The following NFKBIZ variants were observed in gnomAD, a reference collection of about 807,000 sequenced individuals.
The protein encoded by NFKBIZ is NF-kappa-B inhibitor zeta.
Under a neutral mutation model 76.8 loss-of-function variants are expected in NFKBIZ, and 19 were observed. That is an observed-to-expected ratio of 0.25 (90% CI 0.17 to 0.36). The LOEUF (loss-of-function observed/expected upper bound fraction) is 0.36, where lower values mean the gene tolerates loss of function less well. Ranked by LOEUF, NFKBIZ falls within the 10% of genes least tolerant of loss-of-function variation. The pLI is 1.00. For synonymous variants in NFKBIZ, 368 were observed against 354.8 expected (o/e 1.04, Z -0.42); for missense variants, 829 against 910.9 (o/e 0.91, Z 1.16).
In NFKBIZ at chr3:101,853,252, C is replaced by T. The variant is rs754544527; in HGVS notation, c.726C>T (p.Pro242=). The part of the protein sequence containing the change: ...LNTVQVSWLN[P]VVVPQSSPAE... ...CAGTTCAAGTTAGCTGGCTGAACCC[C>T]GTGGTGGTCCCTCAGAGCTCCCCCG... The change falls in exon 5 of 12, where the codon CCC becomes CCT. Residue 242 remains proline (P), a synonymous_variant. Transcript: ENST00000326172. The T allele has an allele frequency of 1.2e-5, 19 of 1,614,048 alleles. No individual in the cohort carries two copies. The highest frequency in any genetic ancestry group is 3.3e-4 in the Middle Eastern group (2 of 6,084).
chr3:101,849,547 C>T lies in NFKBIZ; in HGVS notation c.-82C>T, dbSNP rs1942912897. ...CCGCGCCGTCCGCCCGCCGACAGCT[C>T]CCTGAGCCAGCCCGGGAGGCAGCCG... On this transcript the variant is annotated 5_prime_UTR_variant, in exon 1 of 12. Coordinates refer to ENST00000326172, the MANE Select transcript of NFKBIZ (RefSeq NM_031419.4). The T allele has an allele frequency of 3.3e-6, 4 of 1,229,188 alleles. No homozygotes were observed. Among genetic ancestry groups the T allele is most frequent in the Non-Finnish European group, 4.1e-6 (4 of 968,878 alleles). 76.1% of individuals were successfully genotyped at this position (1,229,188 alleles called of 1,614,324 possible).
At chr3:101,851,922 G>A (rs1189371467) in intron 1 of NFKBIZ, among the ~76,000 whole-genome samples, 163 bp from the exon 2 acceptor site, 1 of 152,206 alleles carries the variant, frequency 6.6e-6, no homozygotes, top group Non-Finnish European at 1.5e-5. Flanking sequence ...AGCAGAGCTC[G>A]GGACTCACAA....
At chr3:101,853,949 A>T in intron 5 of NFKBIZ, 86 bp downstream of exon 5, 18 of 1,292,086 alleles carry the variant, frequency 1.4e-5, no homozygotes, top group East Asian at 2.3e-5. Context: ...GGGTATAACA[A>T]GGTATACCTT....
Position 101,853,367 on chromosome 3 carries a change from A to G in NFKBIZ, c.841A>G (p.Ile281Val). The change falls in exon 5 of 12, where the codon ATA becomes GTA. Residue 281 changes from isoleucine (I) to valine (V), a missense_variant. By Grantham distance (29) the Ile-to-Val change is conservative (BLOSUM62 3). Around this residue, in one of 4 missense-constraint regions of NFKBIZ, gnomAD observed 371 missense variants for 332.3 expected, o/e 1.12. Transcript: ENST00000326172. ...CCAAGTCAGGGGCTCCCAACAAATG[A>G]TAGACCAGGCTTCCCTGTACCAGTA... ...PFQVRGSQQM[I>V]DQASLYQYSP... is the part of the protein sequence containing the mutation. The G allele has an allele frequency of 6.2e-7, 1 of 1,614,136 alleles. No homozygotes were observed. Among genetic ancestry groups the G allele is most frequent in the East Asian group, 2.2e-5 (1 of 44,886 alleles).
upstream of NFKBIZ, among the ~76,000 whole-genome samples, chr3:101,846,438 A>T (rs1942853454): frequency 6.6e-6 from 1 of 152,198 alleles, no homozygotes; most frequent in South Asian, 2.1e-4. Flanking sequence ...GCTTCTGGGC[A>T]TTGGGGGTTG....
rs148757031 is a variant in NFKBIZ at position 101,856,153 on chromosome 3, C to T, written c.1824+251C>T. On this transcript the variant is annotated intron_variant, in intron 9 of 11. Transcript: ENST00000326172. ...GCAACCTCCGACTCCCTGGTTCAAG[C>T]GATTCTCCTGCCTCAGCCTGCCCAG... 7.8e-3 allele frequency: 1,816 copies of T among 231,594 alleles called. 6 individuals carry two copies. Among genetic ancestry groups the T allele is most frequent in the Non-Finnish European group, 0.012 (1,387 of 117,090 alleles). 14.3% of individuals were successfully genotyped at this position (231,594 alleles called of 1,614,324 possible). A position where few individuals can be genotyped will look rare whatever the true frequency, so the allele number is the denominator to read the frequency against.
At chr3:101,840,412 TTATTAC>T (rs1942772756) in intron 2 of NFKBIZ, among the ~76,000 whole-genome samples, 1 of 152,194 alleles carries the variant, frequency 6.6e-6, no homozygotes, top group Non-Finnish European at 1.5e-5. Flanking sequence ...TGAGTTTTGA[TTATTAC>T]TATTAGAAAG....
intron 1 of NFKBIZ, chr3:101,850,343 G>A (rs1427538656): frequency 1.2e-5 from 2 of 160,018 alleles, no homozygotes; most frequent in Admixed American, 1.3e-4. Flanking sequence ...TAGCGTTAAA[G>A]GTCATGACTT....
At chr3:101,856,788 G>T (rs977872316) in intron 9 of NFKBIZ, 1 of 290,216 alleles carries the variant, frequency 3.4e-6, no homozygotes, top group Admixed American at 4.8e-5. Flanking sequence ...TTACTGATAG[G>T]TTATGACATA....
At chr3:101,843,036 A>C (rs1417086322) in intron 2 of NFKBIZ, among the ~76,000 whole-genome samples, 2 of 148,250 alleles carry the variant, frequency 1.3e-5, no homozygotes, top group South Asian at 2.1e-4. Context: ...AAAAAAAAAA[A>C]AAAAAAAAAA....
chr3:101,840,887 A>G (rs1440190512), intron 2 of NFKBIZ, among the ~76,000 whole-genome samples: 1 of 152,218 alleles, frequency 6.6e-6, no homozygotes, highest in African/African-American at 2.4e-5. Context: ...ACAAAGTGGT[A>G]TATGGCATCT....
chr3:101,854,549 TC>T (rs1490778416), intron 5 of NFKBIZ, 28 bp from the exon 6 acceptor site: 8 of 1,415,448 alleles, frequency 5.7e-6, no homozygotes, highest in Non-Finnish European at 7.9e-6. Flanking sequence ...CAGAAGTGAT[TC>T]ACCCGCTTTC....
At chr3:101,854,733 G>T in intron 6 of NFKBIZ, 50 bp downstream of exon 6, 3 of 1,262,302 alleles carry the variant, frequency 2.4e-6, no homozygotes, top group Non-Finnish European at 3.5e-6. Flanking sequence ...TCATGGTGAA[G>T]TGAATGATGA....
intron 6 of NFKBIZ, 82 bp downstream of exon 6, chr3:101,854,765 C>A: frequency 1.1e-6 from 1 of 899,658 alleles, no homozygotes; most frequent in Non-Finnish European, 1.7e-6. Context: ...TGTAGATCAT[C>A]TTAGAGCTCA....
intron 11 of NFKBIZ, chr3:101,857,834 A>C: frequency 1.0e-6 from 1 of 978,742 alleles, no homozygotes; most frequent in East Asian, 1.1e-4. Context: ...TGGATATTAA[A>C]TGAGTTGTTA....
chr3:101,828,052 A>C (rs1271720905), exon 1 of NFKBIZ: 1 of 152,246 alleles, frequency 6.6e-6, no homozygotes, highest in African/African-American at 2.4e-5. Context: ...GCTGCTGCTT[A>C]TCATGTAACC....
chr3:101,857,424 G>C lies in NFKBIZ; in HGVS notation c.2068G>C (p.Val690Leu). 1 of 1,614,242 alleles carries C rather than the reference G, an allele frequency of 6.2e-7. No individual in the cohort carries two copies. Among genetic ancestry groups the C allele is most frequent in the Non-Finnish European group, 8.5e-7 (1 of 1,180,044 alleles). ...TCGGAACTTGGAGAACGAACAGCCA[G>C]TGCATTTGGTTCCCGATGGCCCTGT... is the stretch of plus-strand genomic sequence containing the variant. Reference protein sequence around the residue: ...STRNLENEQPVHLVPDGPVGE... With the variant: ...STRNLENEQPLHLVPDGPVGE... Residue 690 changes from valine (V) to leucine (L), a missense_variant, in exon 11 of 12, where the codon GTG becomes CTG. Transcript: ENST00000326172.
At chr3:101,850,763 T>C (rs555028636) in intron 1 of NFKBIZ, among the ~76,000 whole-genome samples, 22 of 152,354 alleles carry the variant, frequency 1.4e-4, no homozygotes, top group African/African-American at 5.3e-4. Flanking sequence ...GTTTTGGTTG[T>C]CATTTATTTT....
intron 2 of NFKBIZ, among the ~76,000 whole-genome samples, chr3:101,838,621 G>A (rs1942752209): frequency 6.6e-6 from 1 of 152,222 alleles, no homozygotes. Flanking sequence ...TGGCCTGCAG[G>A]CCGTAGTTGC....
Sources: allele counts gnomAD v4.1 joint callset (sites outside exome capture counted in the v4.1 genomes callset), GRCh38; gene constraint gnomAD v4.1.1; regional missense constraint gnomAD v4.1.1; transcripts MANE v1.5; gene names NCBI Gene and HGNC (gene_info 2026-07-23, HGNC 2026-07-21).